The following ANO2 variants were observed in gnomAD, a reference collection of about 807,000 sequenced individuals.
ANO2 encodes anoctamin-2.
In ANO2, 101 loss-of-function variants were observed where a neutral mutation model predicts 124.2. That is an observed-to-expected ratio of 0.81 (90% confidence interval 0.69 to 0.96). The LOEUF is 0.96. Ranked by LOEUF, ANO2 falls within the 40% of genes least tolerant of loss-of-function variation. The pLI, the probability that ANO2 is intolerant of heterozygous loss-of-function variation, is 0.00. For synonymous variants in ANO2, 486 were observed against 482.5 expected, an observed-to-expected ratio of 1.01 and a Z score of -0.09; for missense variants, 1,293 against 1,274.5, an observed-to-expected ratio of 1.01 and a Z score of -0.22.
At chr12:5,815,481 T>C (rs779545708) in intron 7 of ANO2, among the ~76,000 whole-genome samples, 6 of 152,132 alleles carry the variant, frequency 3.9e-5, no homozygotes, top group Non-Finnish European at 8.8e-5. Flanking sequence ...GTAGACATGT[T>C]CTACATAAGA....
chr12:5,759,267 C>T (rs1350995833), intron 10 of ANO2, among the ~76,000 whole-genome samples: 2 of 151,790 alleles, frequency 1.3e-5, no homozygotes, highest in African/African-American at 2.4e-5. Flanking sequence ...GTCAAATTTC[C>T]GAAAACCAAA....
At chr12:5,888,420 C>G (rs1939125969) in intron 3 of ANO2, among the ~76,000 whole-genome samples, 1 of 152,272 alleles carries the variant, frequency 6.6e-6, no homozygotes, top group Admixed American at 6.5e-5. Flanking sequence ...CCACCGCTGG[C>G]TCCAGCAGCC....
intron 20 of ANO2, among the ~76,000 whole-genome samples, chr12:5,589,030 G>C (rs890076027): frequency 2.0e-5 from 3 of 152,246 alleles, no homozygotes; most frequent in Non-Finnish European, 4.4e-5. Context: ...AGAGGCAGCA[G>C]ATGTGAAGGG....
At chr12:5,745,824 T>A (rs1951250232) in intron 11 of ANO2, among the ~76,000 whole-genome samples, 1 of 152,196 alleles carries the variant, frequency 6.6e-6, no homozygotes, top group Non-Finnish European at 1.5e-5. Context: ...ATCTTAATAA[T>A]ACATTCAGCT....
chr12:5,822,741 G>A (rs1265898977), intron 7 of ANO2, among the ~76,000 whole-genome samples: 3 of 152,178 alleles, frequency 2.0e-5, no homozygotes, highest in African/African-American at 7.2e-5. Flanking sequence ...TTCCTATCCT[G>A]TACGCAATGC....
chr12:5,845,581 A>G (rs1954657698), intron 4 of ANO2, among the ~76,000 whole-genome samples: 1 of 152,082 alleles, frequency 6.6e-6, no homozygotes, highest in Non-Finnish European at 1.5e-5. Context: ...AAAAAAAAAA[A>G]AAAAATCCAA....
intron 3 of ANO2, among the ~76,000 whole-genome samples, chr12:5,887,776 C>G (rs573995374): frequency 2.0e-5 from 3 of 152,198 alleles, no homozygotes; most frequent in African/African-American, 7.2e-5. Flanking sequence ...CAAGCGTTAT[C>G]CTCTGTGCCC....
At chr12:5,711,893 G>T (rs976226081) in intron 14 of ANO2, among the ~76,000 whole-genome samples, 2 of 152,158 alleles carry the variant, frequency 1.3e-5, no homozygotes, top group Non-Finnish European at 2.9e-5. Context: ...CAAAACTGCA[G>T]AAACAGACTT....
intron 3 of ANO2, among the ~76,000 whole-genome samples, chr12:5,901,231 G>A (rs1164326796): frequency 6.6e-6 from 1 of 152,210 alleles, no homozygotes; most frequent in Non-Finnish European, 1.5e-5. Context: ...ATACTCAGGT[G>A]GGAGGGAGAT....
At chr12:5,761,034 G>A (rs544356700) in intron 10 of ANO2, among the ~76,000 whole-genome samples, 48 of 136,620 alleles carry the variant, frequency 3.5e-4, no homozygotes, top group Non-Finnish European at 5.4e-4. Context: ...GCTCCAGGAC[G>A]TCCCAAATTT....
At chr12:5,725,938 T>A (rs1950421015) in intron 14 of ANO2, among the ~76,000 whole-genome samples, 1 of 152,158 alleles carries the variant, frequency 6.6e-6, no homozygotes, top group South Asian at 2.1e-4. Context: ...AAGTGCTGAG[T>A]GAATGGTTAC....
At chr12:5,721,508 T>G (rs28514724) in intron 14 of ANO2, among the ~76,000 whole-genome samples, 8 of 150,518 alleles carry the variant, frequency 5.3e-5, no homozygotes, top group Non-Finnish European at 1.0e-4. Context: ...GGTTTTTTTT[T>G]TTTGTTTTTT....
In ANO2 at chr12:5,576,349, C is replaced by T. The variant is rs12314893; in HGVS notation, c.2440-334G>A. On this transcript the variant is annotated intron_variant, in intron 22 of 24. Coordinates refer to ENST00000682330, the MANE Select transcript of ANO2 (RefSeq NM_001364791.2). ...GTTGAGCAAGCCAAAACAGGGTGCA[C>T]GCTTTCCTGAAAAAAATTACCTATA... Among the ~76,000 whole-genome samples the T allele has an allele frequency of 6.6e-5, 10 of 152,106 alleles. No homozygotes were observed. The East Asian group carries it at 1.3e-3, about 21-fold the overall frequency.
chr12:5,768,933 C>T (rs925547952), intron 10 of ANO2, among the ~76,000 whole-genome samples: 6 of 152,122 alleles, frequency 3.9e-5, no homozygotes, highest in Non-Finnish European at 8.8e-5. Context: ...GAAAAGGCCT[C>T]TTGCTAAAAA....
At chr12:5,796,871 C>T (rs1367921621) in intron 10 of ANO2, among the ~76,000 whole-genome samples, 5 of 152,190 alleles carry the variant, frequency 3.3e-5, no homozygotes, top group Non-Finnish European at 2.9e-5. Flanking sequence ...AGGTCTCCTG[C>T]CCCATGAGCT....
chr12:5,846,327 G>T (rs1480156241), intron 4 of ANO2, among the ~76,000 whole-genome samples: 2 of 152,162 alleles, frequency 1.3e-5, no homozygotes, highest in African/African-American at 4.8e-5. Context: ...CCAAGGTCAC[G>T]TAGGAAGATC....
chr12:5,857,783 T>C (rs1435070275), intron 3 of ANO2, among the ~76,000 whole-genome samples: 7 of 144,656 alleles, frequency 4.8e-5, no homozygotes, highest in African/African-American at 1.1e-4. Flanking sequence ...GATAGATAGA[T>C]AGATAGATAG....
chr12:5,763,655 G>A (rs73048272), intron 10 of ANO2, among the ~76,000 whole-genome samples: 21,570 of 151,938 alleles, frequency 0.14, 1,886 homozygotes, highest in African/African-American at 0.25. Flanking sequence ...TCAATTCAGC[G>A]AAAATAACAA....
intron 19 of ANO2, among the ~76,000 whole-genome samples, chr12:5,610,016 TAATATATTTATATTATAGATAAATATA>T (rs1353078588): frequency 5.0e-5 from 7 of 139,388 alleles, no homozygotes; most frequent in Non-Finnish European, 7.6e-5. Context: ...TATTTATCTA[TAATATATTTATATTATAGATAAATATA>T]AATATATTAT....
Sources: allele counts gnomAD v4.1 joint callset (sites outside exome capture counted in the v4.1 genomes callset), GRCh38; gene constraint gnomAD v4.1.1; transcripts MANE v1.5; gene names NCBI Gene and HGNC (gene_info 2026-07-23, HGNC 2026-07-21).